The following SUMF1 variants were observed in gnomAD, a reference collection of about 807,000 sequenced individuals.
SUMF1 encodes formylglycine-generating enzyme.
In SUMF1, 48 loss-of-function variants were observed where a neutral mutation model predicts 47.6. The observed-to-expected ratio is 1.01, with a 90% CI of 0.80 to 1.28. The LOEUF (loss-of-function observed/expected upper bound fraction) is 1.28. SUMF1 is among the 50% of genes most tolerant of loss of function. The pLI is 0.00. For synonymous variants in SUMF1, 230 were observed against 192.1 expected (o/e 1.20, Z -1.63); for missense variants, 571 against 485.4 (o/e 1.18, Z -1.66).
At chr3:4,115,710 C>G (rs902323726) in intron 8 of SUMF1, among the ~76,000 whole-genome samples, 50 of 152,246 alleles carry the variant, frequency 3.3e-4, no homozygotes, top group African/African-American at 1.2e-3. Flanking sequence ...AATTTTTCAT[C>G]TTTTTAACGA....
At chr3:4,226,489 C>T (rs941836759) in intron 8 of SUMF1, among the ~76,000 whole-genome samples, 2 of 151,760 alleles carry the variant, frequency 1.3e-5, no homozygotes, top group African/African-American at 4.8e-5. Context: ...AGGATGTTCT[C>T]GATCCCTTGA....
chr3:4,395,675 G>A (rs1444848483), intron 7 of SUMF1, among the ~76,000 whole-genome samples: 2 of 152,092 alleles, frequency 1.3e-5, no homozygotes, highest in Non-Finnish European at 2.9e-5. Context: ...TTTCCTCCAT[G>A]CTACTTGTTT....
At chr3:4,334,233 C>G (rs995411429) in intron 8 of SUMF1, among the ~76,000 whole-genome samples, 6 of 152,138 alleles carry the variant, frequency 3.9e-5, no homozygotes, top group Non-Finnish European at 7.4e-5. Flanking sequence ...AAATTGACTT[C>G]TAACCATAGA....
intron 3 of SUMF1, among the ~76,000 whole-genome samples, chr3:4,434,205 G>T (rs138284701): frequency 6.6e-6 from 1 of 152,310 alleles, no homozygotes; most frequent in East Asian, 1.9e-4. Flanking sequence ...GTTGATGGTT[G>T]TATAACACTG....
chr3:4,168,749 A>G (rs1694766509), intron 8 of SUMF1, among the ~76,000 whole-genome samples: 1 of 152,198 alleles, frequency 6.6e-6, no homozygotes, highest in Non-Finnish European at 1.5e-5. Flanking sequence ...AAGAGGAGAC[A>G]TTATATTACC....
chr3:4,151,381 A>G (rs1574930084), intron 8 of SUMF1, among the ~76,000 whole-genome samples: 1 of 137,038 alleles, frequency 7.3e-6, no homozygotes, highest in Non-Finnish European at 1.5e-5. Flanking sequence ...ACATGTGTGT[A>G]TATATATGTA....
At chr3:4,178,697 C>T (rs1695026396) in intron 8 of SUMF1, among the ~76,000 whole-genome samples, 1 of 152,152 alleles carries the variant, frequency 6.6e-6, no homozygotes, top group African/African-American at 2.4e-5. Context: ...CCAGGGCAAT[C>T]AGGCAAGAGA....
At chr3:4,223,429 G>A (rs1696108884) in intron 8 of SUMF1, among the ~76,000 whole-genome samples, 1 of 152,138 alleles carries the variant, frequency 6.6e-6, no homozygotes, top group South Asian at 2.1e-4. Flanking sequence ...ACAAGGTAAA[G>A]CATGATGGTG....
intron 8 of SUMF1, among the ~76,000 whole-genome samples, chr3:4,368,759 GGTATTCA>G (rs1280062104): frequency 6.6e-6 from 1 of 152,142 alleles, no homozygotes; most frequent in African/African-American, 2.4e-5. Flanking sequence ...CTACCTAGCA[GGTATTCA>G]GTGATTAACC....
At chr3:4,165,915 G>C (rs1194729293) in intron 8 of SUMF1, among the ~76,000 whole-genome samples, 14 of 142,580 alleles carry the variant, frequency 9.8e-5, no homozygotes, top group Non-Finnish European at 1.5e-5. Flanking sequence ...CTGCTGATCA[G>C]AATAGTTGTG....
intron 8 of SUMF1, among the ~76,000 whole-genome samples, chr3:4,375,514 C>T (rs1700300459): frequency 6.6e-6 from 1 of 152,070 alleles, no homozygotes; most frequent in Non-Finnish European, 1.5e-5. Flanking sequence ...TTGAGAACCA[C>T]TGTTTAAGAC....
intron 3 of SUMF1, among the ~76,000 whole-genome samples, chr3:4,445,420 C>A (rs1702746960): frequency 6.6e-6 from 1 of 152,162 alleles, no homozygotes; most frequent in Non-Finnish European, 1.5e-5. Context: ...TCACTGAAAC[C>A]TCGAACTCCT....
chr3:4,171,761 G>A (rs1694837697), intron 8 of SUMF1, among the ~76,000 whole-genome samples: 1 of 152,110 alleles, frequency 6.6e-6, no homozygotes. Flanking sequence ...AGGCTGGGAA[G>A]CACATGCTAC....
At chr3:4,072,143 A>G (rs1001510522) in intron 8 of SUMF1, among the ~76,000 whole-genome samples, 1 of 152,182 alleles carries the variant, frequency 6.6e-6, no homozygotes, top group African/African-American at 2.4e-5. Context: ...AGTGATACCC[A>G]GGAAAACAGG....
chr3:4,426,041 T>C (rs547751155), intron 3 of SUMF1, among the ~76,000 whole-genome samples: 1 of 152,242 alleles, frequency 6.6e-6, no homozygotes, highest in Non-Finnish European at 1.5e-5. Context: ...TACCACCGGG[T>C]CCCTCCCATG....
chr3:4,193,049 C>A (rs1373283766), intron 8 of SUMF1, among the ~76,000 whole-genome samples: 1 of 151,972 alleles, frequency 6.6e-6, no homozygotes, highest in African/African-American at 2.4e-5. Flanking sequence ...TTTTTAAATG[C>A]AGTCCAGATA....
At chr3:4,348,602 A>T (rs9860825) in intron 8 of SUMF1, among the ~76,000 whole-genome samples, 1 of 151,916 alleles carries the variant, frequency 6.6e-6, no homozygotes, top group Non-Finnish European at 1.5e-5. Flanking sequence ...CAGTGGCTCA[A>T]GCCTGTAATC....
intron 7 of SUMF1, among the ~76,000 whole-genome samples, chr3:4,394,391 C>G (rs1013281041): frequency 2.0e-5 from 3 of 152,098 alleles, no homozygotes; most frequent in Admixed American, 6.5e-5. Context: ...GTCCTGGGCT[C>G]AAGTGATCTG....
chr3:4,255,678 AC>A (rs1696934010), intron 8 of SUMF1, among the ~76,000 whole-genome samples: 1 of 139,678 alleles, frequency 7.2e-6, no homozygotes. Flanking sequence ...AGACTTTAAC[AC>A]CCCATTGTCA....
Sources: allele counts gnomAD v4.1 joint callset (sites outside exome capture counted in the v4.1 genomes callset), GRCh38; gene constraint gnomAD v4.1.1; transcripts MANE v1.5; gene names NCBI Gene and HGNC (gene_info 2026-07-23, HGNC 2026-07-21).